The following TESC variants were observed in gnomAD, a reference collection of about 807,000 sequenced individuals.
The protein encoded by TESC is tescalcin.
In TESC, 19 loss-of-function variants were observed where a neutral mutation model predicts 31.0. That is an observed-to-expected ratio of 0.61 (90% CI 0.43 to 0.90). The LOEUF (loss-of-function observed/expected upper bound fraction) is 0.90, where lower values mean the gene tolerates loss of function less well. Among genes scored for constraint, TESC ranks in the 40% least tolerant of loss-of-function variants. The pLI is 0.00. For synonymous variants in TESC, 109 were observed against 114.8 expected (o/e 0.95, Z 0.32); for missense variants, 248 against 303.8 (o/e 0.82, Z 1.36).
At chr12:117,089,906 C>T (rs1304131935) in intron 1 of TESC, among the ~76,000 whole-genome samples, 1 of 151,860 alleles carries the variant, frequency 6.6e-6, no homozygotes, top group African/African-American at 2.4e-5. Context: ...AAAATAAATC[C>T]ACACCCAGAC....
chr12:117,090,638 C>T (rs1380478520), intron 1 of TESC, among the ~76,000 whole-genome samples: 1 of 152,158 alleles, frequency 6.6e-6, no homozygotes, highest in African/African-American at 2.4e-5. Context: ...GAGGCAATAC[C>T]ATGATATAAA....
chr12:117,075,950 CAT>C (rs113707120), intron 1 of TESC, among the ~76,000 whole-genome samples: 525 of 47,596 alleles, frequency 0.011, 14 homozygotes, highest in South Asian at 0.032. Flanking sequence ...TGTATATATA[CAT>C]ATATATATAT....
chr12:117,064,229 C>T (rs1456838886), intron 2 of TESC, among the ~76,000 whole-genome samples: 2 of 152,188 alleles, frequency 1.3e-5, no homozygotes, highest in Admixed American at 6.5e-5. Flanking sequence ...AGGGCATTCA[C>T]GTACACATGA....
At chr12:117,045,570 A>G (rs1288288951) in intron 6 of TESC, among the ~76,000 whole-genome samples, 1 of 152,162 alleles carries the variant, frequency 6.6e-6, no homozygotes, top group Non-Finnish European at 1.5e-5. Context: ...TGGGCTCCAG[A>G]GGCAAACAGA....
At chr12:117,046,022 T>C (rs1016863349) in intron 6 of TESC, among the ~76,000 whole-genome samples, 2 of 152,182 alleles carry the variant, frequency 1.3e-5, no homozygotes, top group African/African-American at 4.8e-5. Flanking sequence ...CAAGATGTAA[T>C]AAATGATGAA....
At position 117,039,195 on chromosome 12, in the gene TESC, C is replaced by T. The variant is rs763426115; in HGVS notation, c.583G>A (p.Asp195Asn). ...CGGACGTGCATCTTGGTCTCAATGT[C>T]GATCCCCTGCCAGATCTGGAAGGGA... ...EDFLKIWQGI[D>N]IETKMHVRFL... Residue 195 changes from aspartate to asparagine, a missense_variant, in exon 8 of 8, where the codon GAC becomes AAC. Transcript: ENST00000335209. 2.2e-5 allele frequency: 36 copies of T among 1,613,646 alleles called. No individual in the cohort carries two copies. The East Asian group carries it at 6.7e-4, about 30-fold the overall frequency.
chr12:117,079,418 C>T (rs138299449), intron 1 of TESC, among the ~76,000 whole-genome samples: 3 of 152,090 alleles, frequency 2.0e-5, no homozygotes, highest in Admixed American at 1.3e-4. Context: ...AAAAACTAGC[C>T]GAGAGTGGTG....
chr12:117,096,384 G>C (rs534739772), intron 1 of TESC, among the ~76,000 whole-genome samples: 1 of 152,132 alleles, frequency 6.6e-6, no homozygotes, highest in African/African-American at 2.4e-5. Flanking sequence ...GGGAGCTGAC[G>C]TTCCCATGCC....
chr12:117,075,464 C>G, intron 1 of TESC, 124 bp from the exon 2 acceptor site: 1 of 961,906 alleles, frequency 1.0e-6, no homozygotes, highest in Non-Finnish European at 1.5e-6. Flanking sequence ...CAAAGCATCT[C>G]CCACCATGGC....
intron 3 of TESC, among the ~76,000 whole-genome samples, chr12:117,053,280 C>T (rs918514072): frequency 1.3e-5 from 2 of 152,218 alleles, no homozygotes; most frequent in Non-Finnish European, 2.9e-5. Flanking sequence ...AGTCTGGCAG[C>T]GGCATACCCA....
At chr12:117,095,707 CCT>C (rs1391949944) in intron 1 of TESC, among the ~76,000 whole-genome samples, 4 of 152,084 alleles carry the variant, frequency 2.6e-5, no homozygotes, top group Admixed American at 2.0e-4. Context: ...TGGCAAGACC[CCT>C]GTCTCTACAG....
At chr12:117,059,750 G>A (rs1398021406) in intron 2 of TESC, among the ~76,000 whole-genome samples, 1 of 152,056 alleles carries the variant, frequency 6.6e-6, no homozygotes. Context: ...GTGCTACCAC[G>A]CCCAGCTAAC....
intron 1 of TESC, among the ~76,000 whole-genome samples, chr12:117,088,057 C>G (rs1048586581): frequency 3.3e-5 from 5 of 152,108 alleles, no homozygotes; most frequent in African/African-American, 1.2e-4. Context: ...GGTCACACAG[C>G]TAGGAGCAGC....
intron 3 of TESC, 30 bp downstream of exon 3, chr12:117,056,776 C>T (rs1954731132): frequency 3.1e-6 from 5 of 1,607,740 alleles, no homozygotes; most frequent in Admixed American, 1.7e-5. Flanking sequence ...GGGTGCCTGC[C>T]ACTGGGCTGG....
intron 2 of TESC, among the ~76,000 whole-genome samples, chr12:117,057,945 C>G (rs537532101): frequency 6.6e-6 from 1 of 152,104 alleles, no homozygotes; most frequent in Non-Finnish European, 1.5e-5. Flanking sequence ...TGAGCCCGGG[C>G]GCCGTAGCTC....
intron 3 of TESC, among the ~76,000 whole-genome samples, chr12:117,054,921 A>G (rs1282865423): frequency 2.0e-5 from 3 of 151,902 alleles, no homozygotes; most frequent in Non-Finnish European, 4.4e-5. Flanking sequence ...TGGGGAGGGT[A>G]TACCCACCCC....
intron 7 of TESC, 27 bp downstream of exon 7, chr12:117,041,920 C>T (rs751954065): frequency 5.0e-5 from 79 of 1,569,828 alleles, no homozygotes; most frequent in Non-Finnish European, 6.5e-5. Flanking sequence ...AAGGGTCCCC[C>T]GAGGCTCCCA....
chr12:117,096,313 A>C (rs1457619633), intron 1 of TESC, among the ~76,000 whole-genome samples: 1 of 152,082 alleles, frequency 6.6e-6, no homozygotes, highest in Non-Finnish European at 1.5e-5. Flanking sequence ...CCTTTTTCTC[A>C]GGGAAGATTC....
chr12:117,094,843 C>G (rs1384757470), intron 1 of TESC, among the ~76,000 whole-genome samples: 1 of 151,724 alleles, frequency 6.6e-6, no homozygotes, highest in Non-Finnish European at 1.5e-5. Context: ...TGGTGAAACC[C>G]TGTCTCTACT....
Sources: allele counts gnomAD v4.1 joint callset (sites outside exome capture counted in the v4.1 genomes callset), GRCh38; gene constraint gnomAD v4.1.1; transcripts MANE v1.5; gene names NCBI Gene and HGNC (gene_info 2026-07-23, HGNC 2026-07-21).